CSGALNACT1: variants seen among roughly 807,000 people sequenced by gnomAD.
CSGALNACT1 encodes the protein beta4GalNAcT-1.
Under a neutral mutation model 51.0 loss-of-function variants are expected in CSGALNACT1, and 52 were observed. The ratio of observed to expected loss-of-function variants is 1.02; its 90% CI spans 0.82 to 1.29. The LOEUF (loss-of-function observed/expected upper bound fraction) is 1.29. CSGALNACT1 is among the 50% of genes most tolerant of loss of function. The pLI, the probability that CSGALNACT1 is intolerant of heterozygous loss-of-function variation, is 0.00. For synonymous variants in CSGALNACT1, 341 were observed against 254.4 expected (o/e 1.34, Z -3.24); for missense variants, 935 against 679.2 (o/e 1.38, Z -4.19).
chr8:19,733,085 A>G (rs1220230759), intron 1 of CSGALNACT1, among the ~76,000 whole-genome samples: 1 of 152,230 alleles, frequency 6.6e-6, no homozygotes, highest in Admixed American at 6.5e-5. Flanking sequence ...TCTGAGGATT[A>G]ATAAATAATT....
At chr8:19,500,447 A>C (rs780366962) in intron 4 of CSGALNACT1, among the ~76,000 whole-genome samples, 1 of 152,048 alleles carries the variant, frequency 6.6e-6, no homozygotes, top group Non-Finnish European at 1.5e-5. Context: ...GATTTCCACC[A>C]CAAGTCACAA....
chr8:19,604,250 C>A (rs571018948), upstream of CSGALNACT1, among the ~76,000 whole-genome samples: 1 of 152,264 alleles, frequency 6.6e-6, no homozygotes, highest in Admixed American at 6.5e-5. Context: ...AGGTGACCTG[C>A]AGGTATACTA....
chr8:19,527,851 G>A (rs941467675), intron 3 of CSGALNACT1, among the ~76,000 whole-genome samples: 2 of 152,174 alleles, frequency 1.3e-5, no homozygotes, highest in Non-Finnish European at 2.9e-5. Context: ...CGGAGATGGT[G>A]ACTAAGCAAG....
At chr8:19,435,741 G>C (rs2153737601) in intron 6 of CSGALNACT1, among the ~76,000 whole-genome samples, 1 of 152,294 alleles carries the variant, frequency 6.6e-6, no homozygotes, top group Non-Finnish European at 1.5e-5. Flanking sequence ...GCTCATCTGA[G>C]ATTAACTGAA....
intron 1 of CSGALNACT1, among the ~76,000 whole-genome samples, chr8:19,666,971 GA>G (rs1422564597): frequency 1.3e-4 from 1 of 7,680 alleles, no homozygotes; most frequent in Non-Finnish European, 2.3e-4. Flanking sequence ...AAGAAAGAAA[GA>G]AAGAAAGAAA....
rs368855150 is a variant in CSGALNACT1 at position 19,420,532 on chromosome 8, C to T, written c.954-14G>A. On this transcript the variant is annotated splice_polypyrimidine_tract_variant and intron_variant, in intron 6 of 9. Transcript: ENST00000454498. ...AAGTTGGCAGCTCTGAAAGGCAAGA[C>T]CAGGTACTGTCACTCACATTCCCAC... 128 of 1,613,044 alleles carry T rather than the reference C, an allele frequency of 7.9e-5. No homozygotes were observed. The African/African-American group carries it at 1.5e-3, about 19-fold the overall frequency.
chr8:19,491,687 C>A (rs563908648), intron 4 of CSGALNACT1, among the ~76,000 whole-genome samples: 3 of 152,292 alleles, frequency 2.0e-5, no homozygotes, highest in Admixed American at 2.0e-4. Flanking sequence ...TAAGTTTCAG[C>A]AAGAATTTAT....
At chr8:19,688,354 A>T (rs551533363) in intron 1 of CSGALNACT1, among the ~76,000 whole-genome samples, 33 of 152,332 alleles carry the variant, frequency 2.2e-4, no homozygotes, top group African/African-American at 7.2e-4. Context: ...CTGTAAAAAA[A>T]AATCTCTTTG....
intron 3 of CSGALNACT1, among the ~76,000 whole-genome samples, chr8:19,552,086 G>C (rs1259306813): frequency 1.3e-5 from 2 of 151,948 alleles, no homozygotes; most frequent in Non-Finnish European, 2.9e-5. Flanking sequence ...ATTTCAGATG[G>C]GATAAAAAAT....
intron 1 of CSGALNACT1, among the ~76,000 whole-genome samples, chr8:19,680,577 C>T (rs1387855534): frequency 1.9e-5 from 2 of 104,534 alleles, no homozygotes; most frequent in Non-Finnish European, 4.3e-5. Flanking sequence ...CCCCCCCCCC[C>T]CCACAAAAAA....
intron 1 of CSGALNACT1, among the ~76,000 whole-genome samples, chr8:19,633,683 CT>C (rs1294111223): frequency 6.6e-6 from 1 of 152,180 alleles, no homozygotes; most frequent in African/African-American, 2.4e-5. Context: ...AGACTTTTAG[CT>C]TTCAGATTTC....
chr8:19,468,524 G>A (rs1353905057), intron 4 of CSGALNACT1, among the ~76,000 whole-genome samples: 3 of 152,100 alleles, frequency 2.0e-5, no homozygotes, highest in Non-Finnish European at 4.4e-5. Flanking sequence ...AGAGCAGTGT[G>A]GGGCGCAGGT....
chr8:19,688,973 G>C (rs1777791875), intron 1 of CSGALNACT1: 2 of 152,248 alleles, frequency 1.3e-5, no homozygotes, highest in South Asian at 4.1e-4. Context: ...ACAGTGCAGT[G>C]TCACCTTAGC....
intron 1 of CSGALNACT1, among the ~76,000 whole-genome samples, chr8:19,632,166 T>A (rs188934374): frequency 6.6e-6 from 1 of 152,374 alleles, no homozygotes; most frequent in East Asian, 1.9e-4. Flanking sequence ...ATCACCCAAT[T>A]TCACATTTTT....
At chr8:19,556,252 TG>T (rs61127155) in intron 3 of CSGALNACT1, among the ~76,000 whole-genome samples, 14,103 of 151,972 alleles carry the variant, frequency 0.093, 690 homozygotes, top group East Asian at 0.14. Flanking sequence ...GGTGTATGCC[TG>T]TAATCCCAGC....
chr8:19,736,555 T>TG (rs1211295226), intron 1 of CSGALNACT1, among the ~76,000 whole-genome samples: 1 of 149,770 alleles, frequency 6.7e-6, no homozygotes, highest in East Asian at 2.0e-4. Context: ...ATCCAAAGAG[T>TG]GGCATTACTT....
In CSGALNACT1 at chr8:19,579,149, G is replaced by T. The variant is rs562996936; in HGVS notation, c.-297+12011C>A. On this transcript the variant is annotated intron_variant, in intron 3 of 9. Coordinates refer to ENST00000454498, the Ensembl canonical transcript of CSGALNACT1. ...AGTGCCATACTCAAAATCCTGCGAC[G>T]GCTTCCCATGTCACTTAGGAGAAAT... Among the ~76,000 whole-genome samples the T allele has an allele frequency of 1.1e-4, 17 of 152,248 alleles. No homozygotes were observed. The East Asian group carries it at 3.1e-3, about 28-fold the overall frequency.
rs532535236 is a variant in CSGALNACT1, at chr8:19,555,420, C to A, written c.-297+35740G>T. Among the ~76,000 whole-genome samples the A allele has an allele frequency of 9.2e-5, 14 of 152,226 alleles. No homozygotes were observed. In the East Asian group the frequency reaches 2.7e-3, roughly 29 times the overall value. On this transcript the variant is annotated intron_variant, in intron 3 of 9. Transcript: ENST00000454498. ...TTGAAGAAAGAAAATGACAAACTATCAGATGCAGTAAGAGAGGTCCACTTT... is the reference window on the plus strand; with the variant it reads ...TTGAAGAAAGAAAATGACAAACTATAAGATGCAGTAAGAGAGGTCCACTTT...
chr8:19,716,332 C>T (rs1016348735), intron 1 of CSGALNACT1, among the ~76,000 whole-genome samples: 1 of 152,082 alleles, frequency 6.6e-6, no homozygotes, highest in Non-Finnish European at 1.5e-5. Context: ...TCTAAATATA[C>T]TTTATCTTGC....
Sources: gnomAD v4.1 joint callset for allele counts (sites outside exome capture counted in the v4.1 genomes callset) on GRCh38, gnomAD v4.1.1 for gene constraint, MANE v1.5 for transcripts, NCBI Gene and HGNC (gene_info 2026-07-23, HGNC 2026-07-21) for gene names.